Variants in EPN1 observed in about 807,000 individuals in gnomAD.
EPN1 encodes the protein epsin 1, also known as epsin-1.
In EPN1, 25 loss-of-function variants were observed where a neutral mutation model predicts 56.9. The ratio of observed to expected loss-of-function variants is 0.44; its 90% confidence interval spans 0.32 to 0.61. The LOEUF (loss-of-function observed/expected upper bound fraction) is 0.61. Among genes scored for constraint, EPN1 ranks in the 20% least tolerant of loss-of-function variants. EPN1 has a pLI of 0.05. For missense variants in EPN1, 785 were observed against 823.7 expected, an observed-to-expected ratio of 0.95 and a Z score of 0.58; for synonymous variants, 411 against 361.8, an observed-to-expected ratio of 1.14 and a Z score of -1.54.
chr19:55,678,557 C>A lies in EPN1; in HGVS notation c.-71C>A, dbSNP rs1985591409. The A allele has an allele frequency of 3.2e-6, 5 of 1,550,298 alleles. No homozygotes were observed. Among genetic ancestry groups the A allele is most frequent in the Non-Finnish European group, 3.5e-6 (4 of 1,149,852 alleles). On this transcript the variant is annotated 5_prime_UTR_variant, in exon 2 of 11. Transcript: ENST00000270460. ...GTGACCTGCCAGCACCTGCCGCAGC[C>A]TTCGTCCGGGAGTCGCCCCATCTCT...
rs201091968 is a variant in EPN1 at position 55,691,855 on chromosome 19, G to C, written c.864G>C (p.Thr288=). Residue 288 remains threonine, a synonymous_variant, in exon 7 of 11, where the codon ACG becomes ACC. Transcript: ENST00000270460. This position sits in a 1 kb window ranked among gnomAD's most constrained non-coding sequence, Gnocchi z 5.6. ...GPAPMAAAVP[T]AAPTSDPWGG... is the part of the protein sequence containing the mutation. ...CACCCATGGCTGCTGCCGTCCCCAC[G>C]GCTGCCCCCACCTCGGACCCCTGGG... 4.4e-6 allele frequency: 7 copies of C among 1,605,318 alleles called. No individual in the cohort carries two copies. Among genetic ancestry groups the C allele is most frequent in the Non-Finnish European group, 6.0e-6 (7 of 1,174,980 alleles).
At position 55,700,079 on chromosome 19, in the gene EPN1, C is replaced by A. The variant is rs1987070734; in HGVS notation, c.*4723C>A. The A allele has an allele frequency of 6.6e-6, 1 of 151,762 alleles. No individual in the cohort carries two copies. The highest frequency in any genetic ancestry group is 1.5e-5 in the Non-Finnish European group (1 of 68,036). 9.4% of individuals were successfully genotyped at this position (151,762 alleles called of 1,614,324 possible). On this transcript the variant is annotated 3_prime_UTR_variant, in exon 11 of 11. Transcript: ENST00000270460. Reference sequence around the variant, plus strand: ...GGGACTACAGATGCCCACCACCATGCCCAGCTAATTTTTTTGTATTTTTTT... The same window carrying A: ...GGGACTACAGATGCCCACCACCATGACCAGCTAATTTTTTTGTATTTTTTT...
rs1568560339 is a variant in EPN1 at position 55,675,295 on chromosome 19, G to A, written c.-242G>A. On this transcript the variant is annotated 5_prime_UTR_variant, in exon 1 of 11. Transcript: ENST00000270460. ...TCTCCGCGCCCCTTCTGGGCGGCGG[G>A]GCGGCGGAGCCGTCGGCGTGCGGCC... The A allele has an allele frequency of 6.6e-6, 1 of 152,006 alleles. No individual in the cohort carries two copies. Among genetic ancestry groups the A allele is most frequent in the Non-Finnish European group, 1.5e-5 (1 of 67,966 alleles). The allele number at this position is 152,006 out of a possible 1,614,324, so 9.4% of individuals were successfully genotyped here.
In EPN1 at chr19:55,701,431, AGAGT is replaced by A. The variant is rs1375641910; in HGVS notation, c.*6079_*6082del. On this transcript the variant is annotated 3_prime_UTR_variant, in exon 11 of 11. Coordinates refer to ENST00000270460, the MANE Select transcript of EPN1 (RefSeq NM_001130072.2). ...ACTACTGCACTCCAGCCTGGGTGAC[AGAGT>A]GAGACCCTGTCTCCAAAAAAAAAAA... is the stretch of plus-strand genomic sequence containing the variant. The A allele has an allele frequency of 2.7e-5, 4 of 150,628 alleles. No individual in the cohort carries two copies. In the South Asian group the frequency reaches 8.5e-4, roughly 32 times the overall value. 9.3% of individuals were successfully genotyped at this position (150,628 alleles called of 1,614,324 possible).
rs1987567311 is a variant in EPN1 at position 55,708,933 on chromosome 19, C to A, written c.*13577C>A. 2 of 1,566,404 alleles carry A rather than the reference C, an allele frequency of 1.3e-6. No individual in the cohort carries two copies. The highest frequency in any genetic ancestry group is 4.9e-5 in the East Asian group (2 of 41,134). On this transcript the variant is annotated 3_prime_UTR_variant, in exon 11 of 11. Transcript: ENST00000270460. ...CCCATCAGAGGAGCACACCCCTGAT[C>A]TTGTATTCCTCGTCAATCCAAGGTC...
chr19:55,682,703 G>A (rs1985896397), intron 2 of EPN1, among the ~76,000 whole-genome samples: 2 of 151,930 alleles, frequency 1.3e-5, no homozygotes, highest in South Asian at 2.1e-4. Flanking sequence ...AAAGCACTGG[G>A]GTTACAGGAT....
rs910667159 is a variant in EPN1 at position 55,699,481 on chromosome 19, C to T, written c.*4125C>T. 1.3e-5 allele frequency: 2 copies of T among 152,200 alleles called. No homozygotes were observed. The highest frequency in any genetic ancestry group is 1.9e-4 in the East Asian group (1 of 5,202). The allele number at this position is 152,200 out of a possible 1,614,324, so 9.4% of individuals were successfully genotyped here. On this transcript the variant is annotated 3_prime_UTR_variant, in exon 11 of 11. Coordinates refer to ENST00000270460, the MANE Select transcript of EPN1 (RefSeq NM_001130072.2). ...CAGGCCCTTCACTGTGGTGAGAAAC[C>T]GGCCTACTCACATCACAGGTGCCCC...
At chr19:55,690,339 G>A (rs1013369995) in intron 6 of EPN1, among the ~76,000 whole-genome samples, 6 of 152,254 alleles carry the variant, frequency 3.9e-5, no homozygotes, top group African/African-American at 9.6e-5. Flanking sequence ...GTGCCAGGCC[G>A]TGTGCTGCAC....
chr19:55,677,317 A>C (rs922157170), intron 1 of EPN1: 1 of 787,010 alleles, frequency 1.3e-6, no homozygotes. Flanking sequence ...TAACTGAGTT[A>C]ATACATGTAA....
At chr19:55,690,086 TGGTC>T (rs2122204124) in intron 6 of EPN1, 136 bp downstream of exon 6, 1 of 890,484 alleles carries the variant, frequency 1.1e-6, no homozygotes, top group Admixed American at 2.6e-5. Flanking sequence ...TTTCCAGGCT[TGGTC>T]GGCCTCTCTG....
intron 1 of EPN1, chr19:55,677,767 C>A: frequency 6.7e-7 from 1 of 1,494,186 alleles, no homozygotes. Context: ...TGTCTTTAAT[C>A]CCTTCATCAG....
chr19:55,708,905 T>A lies in EPN1; in HGVS notation c.*13549T>A. On this transcript the variant is annotated 3_prime_UTR_variant, in exon 11 of 11. Transcript: ENST00000270460. Reference sequence around the variant, plus strand: ...TTTGTGAGACGACTACTTCAGGGTGTTCCCCATCAGAGGAGCACACCCCTG... The same window carrying A: ...TTTGTGAGACGACTACTTCAGGGTGATCCCCATCAGAGGAGCACACCCCTG... The A allele has an allele frequency of 6.5e-7, 1 of 1,532,938 alleles. No homozygotes were observed. The allele number at this position is 1,532,938 out of a possible 1,614,324, so 95.0% of individuals were successfully genotyped here. A position where few individuals can be genotyped will look rare whatever the true frequency, so the allele number is the denominator to read the frequency against.
Position 55,702,422 on chromosome 19 carries a change from A to G in EPN1, c.*7066A>G, listed in dbSNP as rs745340218. On this transcript the variant is annotated 3_prime_UTR_variant, in exon 11 of 11. Transcript: ENST00000270460. Reference sequence around the variant, plus strand: ...CCCCCACGCGCTTCCAGCTTCCCTTAGTGTGCCTAAAGAAAGGGAAAGGAA... The same window carrying G: ...CCCCCACGCGCTTCCAGCTTCCCTTGGTGTGCCTAAAGAAAGGGAAAGGAA... 3.9e-5 allele frequency: 6 copies of G among 152,172 alleles called. No homozygotes were observed. Among genetic ancestry groups the G allele is most frequent in the Non-Finnish European group, 8.8e-5 (6 of 68,066 alleles). The allele number at this position is 152,172 out of a possible 1,614,324, so 9.4% of individuals were successfully genotyped here. A position where few individuals can be genotyped will look rare whatever the true frequency, so the allele number is the denominator to read the frequency against.
chr19:55,677,357 A>C, intron 1 of EPN1: 1 of 706,942 alleles, frequency 1.4e-6, no homozygotes, highest in East Asian at 2.7e-5. Context: ...GGCATGGGAT[A>C]AGAGCAGTGC....
intron 6 of EPN1, among the ~76,000 whole-genome samples, chr19:55,690,908 G>T (rs927406395): frequency 2.0e-5 from 3 of 152,182 alleles, no homozygotes; most frequent in Admixed American, 2.0e-4. Flanking sequence ...CCAGTGACCC[G>T]AGTAAGGGCT....
intron 3 of EPN1, among the ~76,000 whole-genome samples, chr19:55,687,218 C>G (rs763435608): frequency 6.6e-6 from 1 of 152,194 alleles, no homozygotes; most frequent in African/African-American, 2.4e-5. Flanking sequence ...TAGACCTTCT[C>G]AGGCCAGCTG....
At chr19:55,681,129 C>T (rs547134550) in intron 2 of EPN1, among the ~76,000 whole-genome samples, 22 of 152,248 alleles carry the variant, frequency 1.4e-4, no homozygotes, top group Non-Finnish European at 2.1e-4. Flanking sequence ...TTATTGTCCC[C>T]GTGGAGAAGG....
In EPN1 at chr19:55,707,962, G is replaced by GTT. The variant is rs1987511396; in HGVS notation, c.*12607_*12608dup. ...CTGGCCTATGCCAGCATTCTTTAAA[G>GTT]TTGTGGGAAAAGGCCAAAAGCAAAT... On this transcript the variant is annotated 3_prime_UTR_variant, in exon 11 of 11. Transcript: ENST00000270460. 6.5e-6 allele frequency: 1 copy of GTT among 152,672 alleles called. No individual in the cohort carries two copies. The highest frequency in any genetic ancestry group is 2.4e-5 in the African/African-American group (1 of 41,600). 9.5% of individuals were successfully genotyped at this position (152,672 alleles called of 1,614,324 possible).
Position 55,694,873 on chromosome 19 carries a change from C to T in EPN1, c.1412C>T (p.Pro471Leu). The T allele has an allele frequency of 1.9e-6, 3 of 1,604,502 alleles. No homozygotes were observed. The highest frequency in any genetic ancestry group is 2.6e-6 in the Non-Finnish European group (3 of 1,175,952). ...PTPTPPTRKT[P>L]ESFLGPNAAL... ...CCCACGCCCCCCACCCGGAAGACGC[C>T]GGAGTCATTCCTGGGGCCCAATGCA... Residue 471 changes from proline to leucine, a missense_variant, in exon 10 of 11, where the codon CCG becomes CTG. This residue lies in a region of EPN1 where 650 missense variants were observed against 605.0 expected (regional missense o/e 1.07). Coordinates refer to ENST00000270460, the MANE Select transcript of EPN1 (RefSeq NM_001130072.2). The surrounding 1 kb of genome is among the most constrained non-coding windows in gnomAD (Gnocchi z 4.2).
Sources: allele counts gnomAD v4.1 joint callset (sites outside exome capture counted in the v4.1 genomes callset), GRCh38; gene constraint gnomAD v4.1.1; regional missense constraint gnomAD v4.1.1; non-coding constraint Gnocchi (gnomAD v3.1); transcripts MANE v1.5; gene names NCBI Gene and HGNC (gene_info 2026-07-23, HGNC 2026-07-21).